The following CGNL1 variants were observed in gnomAD, a reference collection of about 807,000 sequenced individuals.
CGNL1 encodes the protein cingulin-like protein 1.
CGNL1 carries 132 observed loss-of-function variants against 141.2 expected under a neutral mutation model. The observed-to-expected ratio is 0.93, with a 90% CI of 0.81 to 1.08. The LOEUF (loss-of-function observed/expected upper bound fraction) is 1.08. Among genes scored for constraint, CGNL1 ranks in the 50% least tolerant of loss-of-function variants. The pLI is 0.00. For synonymous variants in CGNL1, 690 were observed against 622.1 expected, an observed-to-expected ratio of 1.11 and a Z score of -1.63; for missense variants, 1,870 against 1,588.6, an observed-to-expected ratio of 1.18 and a Z score of -3.01.
intron 8 of CGNL1, among the ~76,000 whole-genome samples, chr15:57,491,656 C>T (rs141700586): frequency 1.1e-3 from 165 of 152,270 alleles, no homozygotes; most frequent in African/African-American, 3.8e-3. Context: ...AGAATAGTAA[C>T]GGGATAATGA....
intron 12 of CGNL1, chr15:57,527,198 T>A (rs1323091836): frequency 6.6e-6 from 1 of 152,102 alleles, no homozygotes; most frequent in Admixed American, 6.5e-5. Context: ...CAGATGTGGG[T>A]CTTCATCTGG....
chr15:57,452,891 G>A (rs1039475350), intron 6 of CGNL1, among the ~76,000 whole-genome samples: 2 of 152,122 alleles, frequency 1.3e-5, no homozygotes, highest in African/African-American at 2.4e-5. Flanking sequence ...TGAAATCTAG[G>A]GGGAAGTTCA....
intron 13 of CGNL1, among the ~76,000 whole-genome samples, chr15:57,529,433 A>G (rs1475926338): frequency 1.3e-5 from 2 of 152,160 alleles, no homozygotes; most frequent in South Asian, 2.1e-4. Flanking sequence ...CATATTAGAA[A>G]AATGTAAATG....
At chr15:57,542,174 T>C (rs2032602295) in intron 14 of CGNL1, among the ~76,000 whole-genome samples, 1 of 152,174 alleles carries the variant, frequency 6.6e-6, no homozygotes, top group Non-Finnish European at 1.5e-5. Context: ...TGAGCTTATC[T>C]TTTACTCACT....
chr15:57,519,263 A>G (rs1723533067), intron 10 of CGNL1, among the ~76,000 whole-genome samples: 1 of 152,126 alleles, frequency 6.6e-6, no homozygotes, highest in Admixed American at 6.5e-5. Context: ...GGTAGAAGCC[A>G]GTGTTTTTGA....
At chr15:57,494,314 T>C (rs1347342803) in intron 8 of CGNL1, among the ~76,000 whole-genome samples, 2 of 152,078 alleles carry the variant, frequency 1.3e-5, no homozygotes, top group African/African-American at 2.4e-5. Flanking sequence ...CCAAGAAGCT[T>C]TGTTTATGAT....
At chr15:57,457,401 A>G (rs1168970841) in intron 7 of CGNL1, among the ~76,000 whole-genome samples, 2 of 152,038 alleles carry the variant, frequency 1.3e-5, no homozygotes, top group African/African-American at 4.8e-5. Context: ...ATCTCCTTCT[A>G]CCTGTCTCTT....
chr15:57,459,456 G>T (rs1351538279), intron 7 of CGNL1, among the ~76,000 whole-genome samples: 2 of 152,198 alleles, frequency 1.3e-5, no homozygotes, highest in African/African-American at 4.8e-5. Flanking sequence ...ATTCAAGAGG[G>T]ATATTCAAGG....
At position 57,524,753 on chromosome 15, in the gene CGNL1, T is replaced by C. The variant is rs1567169815; in HGVS notation, c.3039+2T>C. 9.3e-6 allele frequency: 15 copies of C among 1,613,720 alleles called. No individual in the cohort carries two copies. The highest frequency in any genetic ancestry group is 1.3e-5 in the Non-Finnish European group (15 of 1,179,850). ...ACAGCCATGAAAATGCAGGATGAGG[T>C]AATGCCTGGCCAGATAAGTTCTTCC... On this transcript the variant is annotated splice_donor_variant, in intron 12 of 18. Coordinates refer to ENST00000281282, the MANE Select transcript of CGNL1 (RefSeq NM_032866.5). LOFTEE classifies it high-confidence loss of function.
intron 14 of CGNL1, among the ~76,000 whole-genome samples, chr15:57,533,119 A>G (rs540687422): frequency 6.6e-6 from 1 of 152,236 alleles, no homozygotes; most frequent in Non-Finnish European, 1.5e-5. Flanking sequence ...TTTCTTTGCA[A>G]ACAAGTGGGA....
intron 8 of CGNL1, among the ~76,000 whole-genome samples, chr15:57,475,818 CTG>C (rs1168002486): frequency 2.0e-5 from 3 of 152,048 alleles, no homozygotes; most frequent in Admixed American, 6.6e-5. Flanking sequence ...ATTAGCCTGT[CTG>C]TCCCCAACAT....
chr15:57,383,111 G>A (rs1161441441), intron 1 of CGNL1, among the ~76,000 whole-genome samples: 2 of 152,002 alleles, frequency 1.3e-5, no homozygotes, highest in Admixed American at 1.3e-4. Flanking sequence ...ATTAGCCTCC[G>A]TCCTTGCCCT....
chr15:57,459,768 T>G (rs2152331223), intron 7 of CGNL1, among the ~76,000 whole-genome samples: 1 of 152,290 alleles, frequency 6.6e-6, no homozygotes, highest in East Asian at 1.9e-4. Flanking sequence ...CTGCCAAGTT[T>G]CTGAGCTTGA....
intron 10 of CGNL1, 122 bp downstream of exon 10, chr15:57,518,619 A>G (rs1377275068): frequency 5.9e-6 from 4 of 675,560 alleles, no homozygotes; most frequent in South Asian, 1.8e-5. Flanking sequence ...TTCACCCATA[A>G]TAACCACTCA....
At chr15:57,495,292 A>C (rs577972981) in intron 8 of CGNL1, among the ~76,000 whole-genome samples, 3 of 152,004 alleles carry the variant, frequency 2.0e-5, no homozygotes, top group Non-Finnish European at 4.4e-5. Flanking sequence ...CATGCCTTCC[A>C]GTTGGTGTTG....
intron 1 of CGNL1, among the ~76,000 whole-genome samples, chr15:57,385,922 A>G (rs1241880156): frequency 6.6e-6 from 1 of 152,222 alleles, no homozygotes; most frequent in Admixed American, 6.5e-5. Flanking sequence ...CAAGGCTAAG[A>G]AACCCTGACA....
chr15:57,498,967 C>A (rs1376949094), intron 8 of CGNL1, among the ~76,000 whole-genome samples: 1 of 151,944 alleles, frequency 6.6e-6, no homozygotes, highest in Non-Finnish European at 1.5e-5. Flanking sequence ...TTTATTTTTG[C>A]GTTTATCCTT....
chr15:57,451,477 T>C (rs1858629594), intron 4 of CGNL1, 23 bp from the exon 5 acceptor site: 5 of 1,503,098 alleles, frequency 3.3e-6, no homozygotes, highest in Non-Finnish European at 2.8e-6. Context: ...TTTAAATTAG[T>C]ATATCTTTGC....
intron 1 of CGNL1, among the ~76,000 whole-genome samples, chr15:57,380,855 C>T (rs554271959): frequency 6.6e-6 from 1 of 152,316 alleles, no homozygotes; most frequent in South Asian, 2.1e-4. Context: ...GCTACCTCCG[C>T]AACAGAGCTG....
Sources: allele counts gnomAD v4.1 joint callset (sites outside exome capture counted in the v4.1 genomes callset), GRCh38; gene constraint gnomAD v4.1.1; transcripts MANE v1.5; gene names NCBI Gene and HGNC (gene_info 2026-07-23, HGNC 2026-07-21).